Variants in SAMSN1 observed in about 807,000 individuals in gnomAD.
SAMSN1 encodes the protein SAM domain, SH3 domain and nuclear localization signals 1.
Under a neutral mutation model 42.0 loss-of-function variants are expected in SAMSN1, and 31 were observed. That is an observed-to-expected ratio of 0.74 (90% CI 0.55 to 1.00). The LOEUF is 1.00. Among genes scored for constraint, SAMSN1 ranks in the 50% least tolerant of loss-of-function variants. The probability of loss-of-function intolerance (pLI) is 0.00; values close to 1 mark genes in which losing one functional copy is unlikely to be tolerated. For synonymous variants in SAMSN1, 178 were observed against 151.9 expected, an observed-to-expected ratio of 1.17 and a Z score of -1.26; for missense variants, 464 against 439.4, an observed-to-expected ratio of 1.06 and a Z score of -0.50.
At chr21:14,613,207 AG>A (rs1210729015) in intron 3 of SAMSN1, among the ~76,000 whole-genome samples, 1 of 152,210 alleles carries the variant, frequency 6.6e-6, no homozygotes, top group African/African-American at 2.4e-5. Flanking sequence ...AATAGTTACT[AG>A]GGGGGAAGTG....
intron 6 of SAMSN1, chr21:14,598,131 A>G (rs1036324828): frequency 3.3e-5 from 5 of 152,146 alleles, no homozygotes; most frequent in Non-Finnish European, 5.9e-5. Context: ...GCTGAGAAAG[A>G]AAATGTTTTG....
At position 14,566,455 on chromosome 21, in the gene SAMSN1, C is replaced by A. The variant is rs117873832; in HGVS notation, c.261+15681G>T. On this transcript the variant is annotated intron_variant, in intron 2 of 8. Coordinates refer to the SAMSN1 transcript ENST00000285670. Reference sequence around the variant, plus strand: ...ATAAGACTACCACCATATAATGCCACTTAAAAATTACTGCATTTTACAAAG... The same window carrying A: ...ATAAGACTACCACCATATAATGCCAATTAAAAATTACTGCATTTTACAAAG... 5.0e-4 allele frequency among the ~76,000 whole-genome samples: 76 copies of A among 152,118 alleles called. 1 individual carries two copies. In the East Asian group the frequency reaches 0.01, roughly 21 times the overall value.
At chr21:14,563,804 A>G (rs1981021469) in intron 2 of SAMSN1, among the ~76,000 whole-genome samples, 1 of 152,216 alleles carries the variant, frequency 6.6e-6, no homozygotes, top group Non-Finnish European at 1.5e-5. Flanking sequence ...GAACAGGTAT[A>G]AAATACTTGG....
intron 3 of SAMSN1, among the ~76,000 whole-genome samples, chr21:14,516,023 T>C (rs532527761): frequency 5.9e-5 from 9 of 152,292 alleles, no homozygotes; most frequent in African/African-American, 2.2e-4. Flanking sequence ...GTGTTGGCAA[T>C]GATGCAGAGA....
At chr21:14,557,859 C>T (rs558178757) in intron 2 of SAMSN1, among the ~76,000 whole-genome samples, 14 of 152,188 alleles carry the variant, frequency 9.2e-5, no homozygotes, top group Non-Finnish European at 1.8e-4. Flanking sequence ...GCTTTTCCAT[C>T]TGCGGGAAGT....
intron 1 of SAMSN1, among the ~76,000 whole-genome samples, chr21:14,645,092 G>A (rs890560602): frequency 3.9e-5 from 6 of 152,196 alleles, no homozygotes; most frequent in Non-Finnish European, 8.8e-5. Flanking sequence ...GGCCTTCAGT[G>A]CCCTGAAGGG....
chr21:14,625,363 G>A (rs1286823143), intron 2 of SAMSN1, among the ~76,000 whole-genome samples: 2 of 152,136 alleles, frequency 1.3e-5, no homozygotes, highest in Non-Finnish European at 1.5e-5. Context: ...TGACATGATT[G>A]TATATTTAGA....
In SAMSN1 at chr21:14,499,066, G is replaced by T. The variant is rs570459513; in HGVS notation, c.769-474C>A. ...ATTCTTGGGGTAGGTTAAAAAATGA[G>T]TTTGAAACAGATGTAATTCTATACA... On this transcript the variant is annotated intron_variant, in intron 6 of 7. Coordinates refer to ENST00000400566, the MANE Select transcript of SAMSN1 (RefSeq NM_022136.5). Among the ~76,000 whole-genome samples the T allele has an allele frequency of 7.2e-5, 11 of 152,242 alleles. No homozygotes were observed. The South Asian group carries it at 1.7e-3, about 23-fold the overall frequency.
At chr21:14,582,084 A>T in intron 2 of SAMSN1, 1 of 1,437,516 alleles carries the variant, frequency 7.0e-7, no homozygotes, top group Non-Finnish European at 9.3e-7. Context: ...TTCTTTCCCG[A>T]CAGTACAAAA....
intron 2 of SAMSN1, among the ~76,000 whole-genome samples, chr21:14,576,908 T>G (rs182523062): frequency 4.8e-4 from 73 of 152,192 alleles, no homozygotes; most frequent in African/African-American, 1.7e-3. Context: ...TCTTTGACTT[T>G]GCCTCTTCCT....
intron 2 of SAMSN1, among the ~76,000 whole-genome samples, chr21:14,519,217 T>C (rs534228284): frequency 3.9e-5 from 6 of 152,272 alleles, no homozygotes; most frequent in African/African-American, 1.4e-4. Context: ...CCTGAGTGTC[T>C]AAGGGAAAAC....
chr21:14,642,029 G>A (rs909756797), intron 2 of SAMSN1, among the ~76,000 whole-genome samples: 2 of 152,162 alleles, frequency 1.3e-5, no homozygotes, highest in African/African-American at 2.4e-5. Flanking sequence ...ATAAGAACAT[G>A]AGCAAGAGAA....
chr21:14,554,053 T>G (rs1400124360), intron 2 of SAMSN1, among the ~76,000 whole-genome samples: 2 of 152,188 alleles, frequency 1.3e-5, no homozygotes, highest in African/African-American at 2.4e-5. Flanking sequence ...TGACCTTTTG[T>G]TTTCCAGGAA....
At chr21:14,539,693 A>C (rs1979876388) in intron 1 of SAMSN1, among the ~76,000 whole-genome samples, 1 of 152,196 alleles carries the variant, frequency 6.6e-6, no homozygotes, top group South Asian at 2.1e-4. Context: ...GGGAAGAATC[A>C]ATATCGTGAA....
At chr21:14,487,765 C>G (rs1044134562) in intron 7 of SAMSN1, among the ~76,000 whole-genome samples, 1 of 152,030 alleles carries the variant, frequency 6.6e-6, no homozygotes, top group Non-Finnish European at 1.5e-5. Flanking sequence ...CACATTTGCC[C>G]CACAATTTTA....
At chr21:14,553,111 C>A (rs922091009) in intron 2 of SAMSN1, among the ~76,000 whole-genome samples, 3 of 151,750 alleles carry the variant, frequency 2.0e-5, no homozygotes, top group Non-Finnish European at 1.5e-5. Context: ...TTGATTTATG[C>A]ATTAGGCATT....
intron 7 of SAMSN1, among the ~76,000 whole-genome samples, chr21:14,494,679 A>G (rs1413186371): frequency 1.3e-5 from 2 of 151,818 alleles, no homozygotes; most frequent in East Asian, 1.9e-4. Flanking sequence ...CATGTTCTGC[A>G]CGTGTATCCC....
intron 1 of SAMSN1, among the ~76,000 whole-genome samples, chr21:14,533,078 A>G (rs1265614689): frequency 1.3e-5 from 2 of 151,860 alleles, no homozygotes; most frequent in African/African-American, 4.8e-5. Context: ...ATGCTCAGCT[A>G]ACTTTTATTT....
intron 2 of SAMSN1, among the ~76,000 whole-genome samples, chr21:14,562,911 C>G (rs551263553): frequency 6.6e-6 from 1 of 152,228 alleles, no homozygotes; most frequent in South Asian, 2.1e-4. Context: ...TGACTTCTTT[C>G]TAATTTGGGT....
Sources: gnomAD v4.1 joint callset for allele counts (sites outside exome capture counted in the v4.1 genomes callset) on GRCh38, gnomAD v4.1.1 for gene constraint, MANE v1.5 for transcripts, NCBI Gene and HGNC (gene_info 2026-07-23, HGNC 2026-07-21) for gene names.